Variants in CLTB observed in about 807,000 individuals in gnomAD.
CLTB encodes clathrin, light chain (Lcb).
CLTB carries 10 observed loss-of-function variants against 30.5 expected under a neutral mutation model. The ratio of observed to expected loss-of-function variants is 0.33; its 90% CI spans 0.20 to 0.56. CLTB has a LOEUF of 0.56. Ranked by LOEUF, CLTB falls within the 20% of genes least tolerant of loss-of-function variation. CLTB has a pLI of 0.91. For missense variants in CLTB, 261 were observed against 308.3 expected (o/e 0.85, Z 1.15); for synonymous variants, 102 against 120.3 (o/e 0.85, Z 1.00).
intron 5 of CLTB, among the ~76,000 whole-genome samples, chr5:176,396,123 G>A (rs193205529): frequency 3.2e-4 from 48 of 152,242 alleles, no homozygotes; most frequent in African/African-American, 1.2e-3. Flanking sequence ...CAGCAAGAGC[G>A]AAACTCCATC....
chr5:176,411,981 C>T (rs1372680754), intron 1 of CLTB, among the ~76,000 whole-genome samples: 2 of 151,948 alleles, frequency 1.3e-5, no homozygotes, highest in Non-Finnish European at 2.9e-5. Context: ...TCGAGACCAT[C>T]CTGGCTAACA....
intron 4 of CLTB, among the ~76,000 whole-genome samples, chr5:176,396,838 A>G (rs1253542519): frequency 6.6e-6 from 1 of 152,130 alleles, no homozygotes; most frequent in Non-Finnish European, 1.5e-5. Context: ...AGGCCCTTAC[A>G]GTGTGAGTCC....
chr5:176,410,406 G>A (rs1430373864), intron 1 of CLTB, 103 bp from the exon 2 acceptor site: 14 of 852,698 alleles, frequency 1.6e-5, no homozygotes, highest in Middle Eastern at 2.2e-4. Flanking sequence ...GTATACCCAT[G>A]TATATATCGA....
intron 2 of CLTB, among the ~76,000 whole-genome samples, chr5:176,399,071 C>T (rs1267432505): frequency 2.0e-5 from 3 of 151,988 alleles, no homozygotes; most frequent in Non-Finnish European, 4.4e-5. Flanking sequence ...CTCGAACTCC[C>T]GACCTCAGGT....
chr5:176,397,609 G>T lies in CLTB; in HGVS notation c.462C>A (p.Asn154Lys). The T allele has an allele frequency of 6.3e-7, 1 of 1,586,350 alleles. No individual in the cohort carries two copies. The highest frequency in any genetic ancestry group is 1.1e-5 in the South Asian group (1 of 90,500). ...TCATGTCCCTACAGCCCTCTCACCGGTTGTTGATCTTGTTCTTCTCTACTT... is the reference window on the plus strand; with the variant it reads ...TCATGTCCCTACAGCCCTCTCACCGTTTGTTGATCTTGTTCTTCTCTACTT... ...SEQVEKNKIN[N>K]RIADKAFYQQ... Residue 154 changes from asparagine to lysine, a missense_variant and splice_region_variant, in exon 4 of 6, where the codon AAC (asparagine) becomes AAA (lysine). By Grantham distance (94) the Asn-to-Lys change is moderately conservative. Transcript: ENST00000310418.
chr5:176,410,935 A>C (rs1757396241), intron 1 of CLTB, among the ~76,000 whole-genome samples: 1 of 152,184 alleles, frequency 6.6e-6, no homozygotes, highest in Non-Finnish European at 1.5e-5. Flanking sequence ...TTGATTAGTC[A>C]CAAATTCCTG....
chr5:176,408,310 G>A (rs542746393), intron 2 of CLTB, among the ~76,000 whole-genome samples: 1 of 151,874 alleles, frequency 6.6e-6, no homozygotes, highest in Admixed American at 6.5e-5. Context: ...GAGGTGGGTG[G>A]ATCACTTGAA....
intron 2 of CLTB, among the ~76,000 whole-genome samples, chr5:176,407,008 G>C (rs1443974046): frequency 1.3e-5 from 2 of 152,234 alleles, no homozygotes; most frequent in Admixed American, 1.3e-4. Context: ...TGCCTGTAAG[G>C]ATTCTCGGAT....
At chr5:176,395,363 C>T (rs1756468902) in intron 5 of CLTB, among the ~76,000 whole-genome samples, 1 of 152,178 alleles carries the variant, frequency 6.6e-6, no homozygotes, top group Admixed American at 6.5e-5. Context: ...AGACCATGAG[C>T]ACGGTGAGGG....
At position 176,393,285 on chromosome 5, in the gene CLTB, T is replaced by C. The variant is rs1756339865; in HGVS notation, c.519-340A>G. 1.3e-5 allele frequency among the ~76,000 whole-genome samples: 2 copies of C among 152,180 alleles called. No homozygotes were observed. The highest frequency in any genetic ancestry group is 4.8e-5 in the African/African-American group (2 of 41,446). ...TGTTCATTACTTCCCCATCGGGAGT[T>C]CCCAACCTGAGGTTCCTGACACCTA... On this transcript the variant is annotated intron_variant, in intron 5 of 5. Coordinates refer to ENST00000310418, the MANE Select transcript of CLTB (RefSeq NM_007097.5). The surrounding 1 kb of genome is among the most constrained non-coding windows in gnomAD (Gnocchi z 4.4).
intron 2 of CLTB, among the ~76,000 whole-genome samples, chr5:176,407,221 G>T (rs748037108): frequency 3.5e-4 from 53 of 152,142 alleles, no homozygotes; most frequent in Non-Finnish European, 5.9e-5. Context: ...CTGATTTCCT[G>T]GGTGACTTTG....
At chr5:176,413,326 C>T (rs574351788) in intron 1 of CLTB, among the ~76,000 whole-genome samples, 1 of 152,220 alleles carries the variant, frequency 6.6e-6, no homozygotes, top group South Asian at 2.1e-4. Context: ...CGAGGCCCAG[C>T]GGGGGAAATG....
intron 4 of CLTB, 74 bp from the exon 5 acceptor site, chr5:176,396,606 TAGAG>T (rs374264390): frequency 1.1e-4 from 105 of 979,440 alleles, no homozygotes; most frequent in Non-Finnish European, 1.3e-4. Flanking sequence ...GGCAGAAGGT[TAGAG>T]AGAGAGAGAG....
In CLTB at chr5:176,416,262, C is replaced by T; in HGVS notation, c.102G>A (p.Glu34=). 1.2e-6 allele frequency: 2 copies of T among 1,605,080 alleles called. No homozygotes were observed. The highest frequency in any genetic ancestry group is 1.7e-6 in the Non-Finnish European group (2 of 1,177,186). ...AAAFLAQQES[E]IAGIENDEGF... Reference sequence around the variant, plus strand: ...CCTCGTCGTTCTCTATGCCTGCAATCTCGCTCTCCTGCTGGGCCAGGAAGG... The same window carrying T: ...CCTCGTCGTTCTCTATGCCTGCAATTTCGCTCTCCTGCTGGGCCAGGAAGG... The change falls in exon 1 of 6, where the codon GAG becomes GAA. Residue 34 remains glutamate (E), a synonymous_variant. Transcript: ENST00000310418.
intron 1 of CLTB, 111 bp from the exon 2 acceptor site, chr5:176,410,414 C>T (rs1452712859): frequency 1.9e-5 from 15 of 775,920 alleles, no homozygotes; most frequent in South Asian, 8.2e-5. Context: ...ATGTATATAT[C>T]GACCCACATG....
intron 1 of CLTB, among the ~76,000 whole-genome samples, chr5:176,413,206 T>C (rs932768033): frequency 6.6e-6 from 1 of 152,068 alleles, no homozygotes; most frequent in Non-Finnish European, 1.5e-5. Context: ...AGAACAGGAC[T>C]GAGACAGAGA....
rs544553495 is a variant in CLTB at position 176,410,142 on chromosome 5, C to T, written c.234+115G>A. 2.5e-5 allele frequency: 22 copies of T among 888,828 alleles called. No homozygotes were observed. In the African/African-American group the frequency reaches 3.2e-4, roughly 13 times the overall value. 55.1% of individuals were successfully genotyped at this position (888,828 alleles called of 1,614,324 possible). A position where few individuals can be genotyped will look rare whatever the true frequency, so the allele number is the denominator to read the frequency against. ...CTTTCTCTATGTTTCCACCCCAATGCATCAGACATAATGAACAGGAGAACC... is the reference window on the plus strand; with the variant it reads ...CTTTCTCTATGTTTCCACCCCAATGTATCAGACATAATGAACAGGAGAACC... On this transcript the variant is annotated intron_variant, in intron 2 of 5. Transcript: ENST00000310418.
chr5:176,400,249 C>T (rs535312577), intron 2 of CLTB, among the ~76,000 whole-genome samples: 38 of 151,830 alleles, frequency 2.5e-4, no homozygotes, highest in African/African-American at 9.2e-4. Context: ...ATATTAAGAA[C>T]ACCTCTAAGA....
intron 5 of CLTB, among the ~76,000 whole-genome samples, chr5:176,394,307 T>C (rs1039896937): frequency 1.3e-5 from 2 of 152,190 alleles, no homozygotes; most frequent in Non-Finnish European, 2.9e-5. Flanking sequence ...ATGCAGACCC[T>C]TGGGCCTCCC....
Sources: gnomAD v4.1 joint callset for allele counts (sites outside exome capture counted in the v4.1 genomes callset) on GRCh38, gnomAD v4.1.1 for gene constraint, Gnocchi (gnomAD v3.1) non-coding constraint, MANE v1.5 for transcripts, NCBI Gene and HGNC (gene_info 2026-07-23, HGNC 2026-07-21) for gene names.